Variants in ELL2 observed in about 807,000 individuals in gnomAD.
ELL2 encodes the protein elongation factor for RNA polymerase II 2.
Under a neutral mutation model 72.8 loss-of-function variants are expected in ELL2, and 21 were observed. That is an observed-to-expected ratio of 0.29 (90% CI 0.20 to 0.42). ELL2 has a LOEUF of 0.42. Among genes scored for constraint, ELL2 ranks in the 10% least tolerant of loss-of-function variants. ELL2 has a pLI of 1.00. For missense variants in ELL2, 568 were observed against 772.8 expected (o/e 0.73, Z 3.14); for synonymous variants, 266 against 283.2 (o/e 0.94, Z 0.61).
intron 7 of ELL2, 28 bp from the exon 8 acceptor site, chr5:95,898,838 G>T: frequency 6.8e-7 from 1 of 1,463,788 alleles, no homozygotes. Context: ...AGAAAAGTGA[G>T]CCAGTTTGCA....
At position 95,898,800 on chromosome 5, in the gene ELL2, A is replaced by C. The variant is rs1442728496; in HGVS notation, c.965T>G (p.Leu322Trp). The change falls in exon 8 of 12, where the codon TTG becomes TGG. Residue 322 changes from leucine (L) to tryptophan (W), a missense_variant. Around this residue, in one of 2 missense-constraint regions of ELL2, gnomAD observed 511 missense variants for 728.4 expected, o/e 0.70. Transcript: ENST00000237853. ...TAAAGGATCAATAAACTCTGAATCC[A>C]AAAGCCGTTTCTAGGGGAGGGAAAA... ...DAVSSPQKRL[L>W]DSEFIDPLMN... 1 of 1,498,188 alleles carries C rather than the reference A, an allele frequency of 6.7e-7. No individual in the cohort carries two copies. The highest frequency in any genetic ancestry group is 2.3e-5 in the East Asian group (1 of 43,098). 92.8% of individuals were successfully genotyped at this position (1,498,188 alleles called of 1,614,324 possible). A position where few individuals can be genotyped will look rare whatever the true frequency, so the allele number is the denominator to read the frequency against.
chr5:95,891,361 A>T lies in ELL2; in HGVS notation c.1590-87T>A, dbSNP rs1056676865. 8 of 1,371,028 alleles carry T rather than the reference A, an allele frequency of 5.8e-6. No homozygotes were observed. The African/African-American group carries it at 1.0e-4, about 17-fold the overall frequency. 84.9% of individuals were successfully genotyped at this position (1,371,028 alleles called of 1,614,324 possible). On this transcript the variant is annotated intron_variant, in intron 9 of 11. Transcript: ENST00000237853. ...GATTTAAACCAAATATTTAGAGATTAGATCCATGCATGTGTCACTAATGTT... is the reference window on the plus strand; with the variant it reads ...GATTTAAACCAAATATTTAGAGATTTGATCCATGCATGTGTCACTAATGTT...
intron 2 of ELL2, among the ~76,000 whole-genome samples, chr5:95,933,021 T>C (rs1398115970): frequency 1.3e-5 from 2 of 152,212 alleles, no homozygotes; most frequent in East Asian, 1.9e-4. Flanking sequence ...TCTTAAAACA[T>C]TGCAGTATTT....
intron 2 of ELL2, among the ~76,000 whole-genome samples, chr5:95,922,125 A>G (rs1313854614): frequency 6.6e-6 from 1 of 151,466 alleles, no homozygotes; most frequent in African/African-American, 2.4e-5. Flanking sequence ...GTGCAGTGGC[A>G]CGATCTCAAC....
Position 95,913,945 on chromosome 5 carries a change from AG to A in ELL2, c.318-12del. On this transcript the variant is annotated splice_polypyrimidine_tract_variant and intron_variant, in intron 3 of 11. Coordinates refer to ENST00000237853, the MANE Select transcript of ELL2 (RefSeq NM_012081.6). ...TGGGAGGCTCCAGAGCTGTCAAGTA[AG>A]TCAGTGGCTTTGTTAGACATGACCT... is the stretch of plus-strand genomic sequence containing the variant. 1.3e-6 allele frequency: 2 copies of A among 1,575,188 alleles called. No homozygotes were observed. The highest frequency in any genetic ancestry group is 1.7e-6 in the Non-Finnish European group (2 of 1,163,358).
At chr5:95,919,743 T>G (rs1419120823) in intron 2 of ELL2, among the ~76,000 whole-genome samples, 198 bp from the exon 3 acceptor site, 1 of 152,230 alleles carries the variant, frequency 6.6e-6, no homozygotes, top group African/African-American at 2.4e-5. Flanking sequence ...AGATTCTTAT[T>G]TCCATTTTCT....
intron 2 of ELL2, among the ~76,000 whole-genome samples, chr5:95,930,511 TAA>T (rs1280298783): frequency 3.9e-5 from 6 of 152,240 alleles, no homozygotes; most frequent in African/African-American, 9.6e-5. Flanking sequence ...AAACAATAGT[TAA>T]GTCTGCAGAA....
chr5:95,954,605 T>C (rs1234864174), intron 1 of ELL2, among the ~76,000 whole-genome samples: 80 of 143,634 alleles, frequency 5.6e-4, no homozygotes, highest in African/African-American at 1.9e-3. Flanking sequence ...TCTTTTTTTT[T>C]TTTTTTTTTG....
At chr5:95,922,071 AT>A (rs11372862) in intron 2 of ELL2, among the ~76,000 whole-genome samples, 152 of 147,296 alleles carry the variant, frequency 1.0e-3, no homozygotes, top group African/African-American at 3.0e-3. Flanking sequence ...TCTAAATTGC[AT>A]TTTTTTTTTT....
At chr5:95,896,805 C>T (rs963752523) in intron 8 of ELL2, among the ~76,000 whole-genome samples, 1 of 152,170 alleles carries the variant, frequency 6.6e-6, no homozygotes, top group African/African-American at 2.4e-5. Context: ...ACTAAGTCTG[C>T]TTCTCCAGGT....
chr5:95,936,658 C>T (rs552676128), intron 2 of ELL2, among the ~76,000 whole-genome samples: 3 of 152,214 alleles, frequency 2.0e-5, no homozygotes, highest in Admixed American at 2.0e-4. Flanking sequence ...TAATGCGTGC[C>T]TATAGTCCCA....
rs566374313 is a variant in ELL2, at chr5:95,887,004, C to A, written c.*1867G>T. ...AGACTCTATCATAATAATATGATGC[C>A]TGAATTTATCCCCAATTAAGTTTCC... On this transcript the variant is annotated 3_prime_UTR_variant, in exon 12 of 12. Coordinates refer to ENST00000237853, the MANE Select transcript of ELL2 (RefSeq NM_012081.6). 2.6e-5 allele frequency: 4 copies of A among 152,232 alleles called. No homozygotes were observed. The highest frequency in any genetic ancestry group is 4.1e-4 in the South Asian group (2 of 4,826). The allele number at this position is 152,232 out of a possible 1,614,324, so 9.4% of individuals were successfully genotyped here.
At chr5:95,922,922 A>G (rs1424512920) in intron 2 of ELL2, among the ~76,000 whole-genome samples, 1 of 152,266 alleles carries the variant, frequency 6.6e-6, no homozygotes, top group Non-Finnish European at 1.5e-5. Context: ...TGTCCCCCAG[A>G]GGACATTTGG....
chr5:95,949,592 T>G (rs1179467497), intron 1 of ELL2, among the ~76,000 whole-genome samples: 1 of 152,116 alleles, frequency 6.6e-6, no homozygotes, highest in African/African-American at 2.4e-5. Flanking sequence ...ATTCTTTACT[T>G]AATTCAAGAA....
intron 2 of ELL2, among the ~76,000 whole-genome samples, chr5:95,922,743 T>C (rs2829): frequency 0.29 from 44,317 of 152,066 alleles, 6,614 homozygotes; most frequent in East Asian, 0.41. Flanking sequence ...GTCTCTTCAG[T>C]AGGAAAAAAG....
chr5:95,919,639 AT>A, intron 2 of ELL2, 94 bp from the exon 3 acceptor site: 1 of 1,421,474 alleles, frequency 7.0e-7, no homozygotes, highest in Non-Finnish European at 9.3e-7. Flanking sequence ...AGTGAAAATC[AT>A]TTTAGACCTA....
chr5:95,911,343 CTTTT>C (rs141460387), intron 4 of ELL2, among the ~76,000 whole-genome samples: 3 of 146,388 alleles, frequency 2.0e-5, no homozygotes, highest in African/African-American at 7.5e-5. Flanking sequence ...AATGATCACA[CTTTT>C]TTTTTTTTTG....
chr5:95,889,084 A>G lies in ELL2; in HGVS notation c.1806+2T>C. The G allele has an allele frequency of 6.2e-7, 1 of 1,611,086 alleles. No homozygotes were observed. Among genetic ancestry groups the G allele is most frequent in the African/African-American group, 1.3e-5 (1 of 74,892 alleles). On this transcript the variant is annotated splice_donor_variant, in intron 11 of 11. Coordinates refer to ENST00000237853, the MANE Select transcript of ELL2 (RefSeq NM_012081.6). LOFTEE classifies it high-confidence loss of function. ...CAGAAAATCAACAGTGATGATACCT[A>G]CCTGCTTTATCTTCTGATATTCTTG... is the stretch of plus-strand genomic sequence containing the variant.
chr5:95,961,160 C>T (rs1245563068), intron 1 of ELL2, among the ~76,000 whole-genome samples: 1 of 152,052 alleles, frequency 6.6e-6, no homozygotes, highest in East Asian at 1.9e-4. Flanking sequence ...CTGGTGCCCG[C>T]GAGTCGTCCC....
Sources: gnomAD v4.1 joint callset for allele counts (sites outside exome capture counted in the v4.1 genomes callset) on GRCh38, gnomAD v4.1.1 for gene constraint, gnomAD v4.1.1 regional missense constraint, MANE v1.5 for transcripts, NCBI Gene and HGNC (gene_info 2026-07-23, HGNC 2026-07-21) for gene names.